PLXNB3: variants seen among roughly 807,000 people sequenced by gnomAD.
PLXNB3 encodes the protein plexin B3, also known as plexin-B3.
A neutral mutation model predicts 125.7 loss-of-function variants in PLXNB3; 80 were observed. That is an observed-to-expected ratio of 0.64 (90% CI 0.53 to 0.77). The LOEUF is 0.77. Ranked by LOEUF, PLXNB3 falls within the 30% of genes least tolerant of loss-of-function variation. The probability of loss-of-function intolerance (pLI) is 0.00; values close to 1 mark genes in which losing one functional copy is unlikely to be tolerated. For missense variants in PLXNB3, 1,836 were observed against 1,729.3 expected, an observed-to-expected ratio of 1.06 and a Z score of -1.09; for synonymous variants, 954 against 783.3, an observed-to-expected ratio of 1.22 and a Z score of -3.64.
rs1299218102 is a variant in PLXNB3 at position 153,770,739 on chromosome X, A to G, written c.2011-19A>G. On this transcript the variant is annotated intron_variant, in intron 10 of 35. Coordinates refer to ENST00000361971, the MANE Select transcript of PLXNB3 (RefSeq NM_005393.3). ...AGGCCCTTTGAGTTCTGAAGGGCTGAGGGCTCTTGTTTTCCCAGGTGGACA... is the reference window on the plus strand; with the variant it reads ...AGGCCCTTTGAGTTCTGAAGGGCTGGGGGCTCTTGTTTTCCCAGGTGGACA... 1.7e-6 allele frequency: 2 copies of G among 1,202,619 alleles called. No homozygotes were observed. The highest frequency in any genetic ancestry group is 6.0e-5 in the East Asian group (2 of 33,611).
Position 153,775,575 on chromosome X carries a change from T to C in PLXNB3, c.4335-19T>C. 8.3e-6 allele frequency: 10 copies of C among 1,206,837 alleles called. No individual in the cohort carries two copies. Among genetic ancestry groups the C allele is most frequent in the Non-Finnish European group, 1.0e-5 (9 of 891,548 alleles). On this transcript the variant is annotated intron_variant, in intron 25 of 35. Coordinates refer to ENST00000361971, the MANE Select transcript of PLXNB3 (RefSeq NM_005393.3). ...GGACACAGGCACAAAGGCCTGACCC[T>C]GTGGCCGGCTCCCCGCAGGACAGAG...
chrX:153,774,434 T>C lies in PLXNB3; in HGVS notation c.3693T>C (p.Asn1231=). Residue 1231 remains asparagine, a synonymous_variant, in exon 22 of 36, where the codon AAT becomes AAC. Transcript: ENST00000361971. ...GLPQFVVQMG[N]VQLALGPVQY... ...CCGCCCCCCAGGTGCAGATGGGCAA[T>C]GTGCAGCTGGCCCTGGGCCCTGTGC... The C allele has an allele frequency of 8.4e-7, 1 of 1,195,150 alleles. No individual in the cohort carries two copies. The highest frequency in any genetic ancestry group is 1.1e-6 in the Non-Finnish European group (1 of 886,839).
chrX:153,773,483 C>G lies in PLXNB3; in HGVS notation c.3084-35C>G, dbSNP rs1408075277. 5 of 1,182,036 alleles carry G rather than the reference C, an allele frequency of 4.2e-6. No homozygotes were observed. In the Admixed American group the frequency reaches 1.1e-4, roughly 27 times the overall value. Reference sequence around the variant, plus strand: ...GATGCGGGCTGGGCTATGTTGCCCACCGCCCGCCCACACCCGACTGCCATC... The same window carrying G: ...GATGCGGGCTGGGCTATGTTGCCCAGCGCCCGCCCACACCCGACTGCCATC... On this transcript the variant is annotated intron_variant, in intron 18 of 35. Transcript: ENST00000361971.
chrX:153,771,516 C>T lies in PLXNB3; in HGVS notation c.2378C>T (p.Pro793Leu), dbSNP rs138935872. ...CTGTACGACTGCGCCATGGGCCACC[C>T]GGACTGCAGCCACTGCCAAGCGGCC... ...VILYDCAMGH[P>L]DCSHCQAANR... Residue 793 changes from proline to leucine, a missense_variant, in exon 14 of 36, where the codon CCG becomes CTG. Physicochemically the swap from Pro to Leu is moderately conservative, Grantham distance 98. Transcript: ENST00000361971. The T allele has an allele frequency of 3.8e-3, 4,525 of 1,204,290 alleles. 32 individuals are homozygous for T. The highest frequency in any genetic ancestry group is 0.031 in the South Asian group (1,712 of 56,044).
rs1557063578 is a variant in PLXNB3, at chrX:153,775,084, G to A, written c.4136G>A (p.Ser1379Asn). The A allele has an allele frequency of 8.3e-7, 1 of 1,204,216 alleles. No individual in the cohort carries two copies. The highest frequency in any genetic ancestry group is 1.8e-5 in the South Asian group (1 of 55,659). ...GLTQLSNLLN[S>N]KLFLLTLIHT... ...ACGCAGCTCTCCAACCTGCTCAACAGCAAGCTCTTCCTCCTCACGGTGAGG... is the reference window on the plus strand; with the variant it reads ...ACGCAGCTCTCCAACCTGCTCAACAACAAGCTCTTCCTCCTCACGGTGAGG... Residue 1379 changes from serine to asparagine, a missense_variant, in exon 24 of 36, where the codon AGC (serine) becomes AAC (asparagine). Physicochemically the swap from Ser to Asn is conservative, Grantham distance 46 (BLOSUM62 1). Coordinates refer to ENST00000361971, the MANE Select transcript of PLXNB3 (RefSeq NM_005393.3).
chrX:153,775,873 T>A lies in PLXNB3; in HGVS notation c.4402-14T>A, dbSNP rs1343194629. The A allele has an allele frequency of 8.3e-7, 1 of 1,198,290 alleles. No individual in the cohort carries two copies. Among genetic ancestry groups the A allele is most frequent in the Non-Finnish European group, 1.1e-6 (1 of 887,156 alleles). ...CCCTCGCTTGGCTGATGCCGGCTCA[T>A]CTTGGCAGTGCAGGAGGTGGCTGGT... On this transcript the variant is annotated splice_polypyrimidine_tract_variant and intron_variant, in intron 26 of 35. Coordinates refer to ENST00000361971, the MANE Select transcript of PLXNB3 (RefSeq NM_005393.3).
rs782441783 is a variant in PLXNB3 at position 153,773,561 on chromosome X, G to A, written c.3127G>A (p.Val1043Met). ...IRVRGTGLDV[V>M]QRPLLSVWLE... ...TGTCAGGGGCACCGGCCTAGACGTGGTGCAGCGGCCCCTACTGTCTGTGTG... is the reference window on the plus strand; with the variant it reads ...TGTCAGGGGCACCGGCCTAGACGTGATGCAGCGGCCCCTACTGTCTGTGTG... Residue 1043 changes from valine to methionine, a missense_variant, in exon 19 of 36, where the codon GTG (valine) becomes ATG (methionine). Transcript: ENST00000361971. The A allele has an allele frequency of 8.3e-7, 1 of 1,205,376 alleles. No individual in the cohort carries two copies. Among genetic ancestry groups the A allele is most frequent in the Non-Finnish European group, 1.1e-6 (1 of 892,439 alleles).
rs2092020797 is a variant in PLXNB3, at chrX:153,778,489, G to A, written c.5550+18G>A. On this transcript the variant is annotated intron_variant, in intron 34 of 35. Transcript: ENST00000361971. ...TCTCCGGGGTGAGGCATGGCCCGGG[G>A]GGTGCGCCTGTCCACACGTGGGTGG... 8.3e-7 allele frequency: 1 copy of A among 1,201,784 alleles called. No individual in the cohort carries two copies. The highest frequency in any genetic ancestry group is 2.2e-5 in the Admixed American group (1 of 45,706).
At position 153,767,881 on chromosome X, in the gene PLXNB3, G is replaced by A. The variant is rs368901623; in HGVS notation, c.1054G>A (p.Gly352Ser). 9.0e-6 allele frequency: 10 copies of A among 1,108,707 alleles called. No individual in the cohort carries two copies. The highest frequency in any genetic ancestry group is 3.2e-5 in the Admixed American group (1 of 31,271). The allele number at this position is 1,108,707 out of a possible 1,213,427, so 91.4% of individuals were successfully genotyped here. A position where few individuals can be genotyped will look rare whatever the true frequency, so the allele number is the denominator to read the frequency against. The change falls in exon 3 of 36, where the codon GGC becomes AGC. Residue 352 changes from glycine to serine, a missense_variant. By Grantham distance (56) the Gly-to-Ser change is moderately conservative. Transcript: ENST00000361971. ...SGAEEATVEY[G>S]VTSRCVTLPL... ...CGCAGAGGAAGCCACCGTGGAGTAC[G>A]GCGTCACGTCGCGCTGCGTCACCCT...
In PLXNB3 at chrX:153,767,572, C is replaced by T. The variant is rs782723671; in HGVS notation, c.745C>T (p.Arg249Cys). ...ADARSAYFVF[R>C]RRGARAQAEY... ...CGCCCGCTCCGCCTACTTCGTGTTC[C>T]GCCGCCGCGGGGCCCGGGCCCAGGC... Residue 249 changes from arginine (R) to cysteine (C), a missense_variant, in exon 3 of 36, where the codon CGC becomes TGC. By Grantham distance (180) the Arg-to-Cys change is radical (BLOSUM62 -3). Transcript: ENST00000361971. The T allele has an allele frequency of 2.8e-5, 33 of 1,171,575 alleles. 1 individual carries two copies. The South Asian group carries it at 5.5e-4, about 19-fold the overall frequency.
rs199536649 is a variant in PLXNB3, at chrX:153,777,318, C to A, written c.5038C>A (p.Arg1680Ser). 8.3e-7 allele frequency: 1 copy of A among 1,206,234 alleles called. No homozygotes were observed. The highest frequency in any genetic ancestry group is 2.2e-5 in the Admixed American group (1 of 45,881). Reference sequence around the variant, plus strand: ...GGTGCGGTGCAGCAGCCTGCGGGAGCGCGAGCCAGCAAGGGCCAAGGCCAT... The same window carrying A: ...GGTGCGGTGCAGCAGCCTGCGGGAGAGCGAGCCAGCAAGGGCCAAGGCCAT... The part of the protein sequence containing the change: ...AKVRCSSLRE[R>S]EPARAKAIPE... Residue 1680 changes from arginine (R) to serine (S), a missense_variant, in exon 30 of 36, where the codon CGC becomes AGC. Physicochemically the swap from Arg to Ser is moderately radical, Grantham distance 110. Coordinates refer to ENST00000361971, the MANE Select transcript of PLXNB3 (RefSeq NM_005393.3).
chrX:153,769,556 C>A (rs782724060), intron 6 of PLXNB3, among the ~76,000 whole-genome samples: 109 of 113,197 alleles, frequency 9.6e-4, no homozygotes, highest in African/African-American at 3.2e-3. Flanking sequence ...CCCCTGGAAT[C>A]CTTTAAGGCA....
rs782160304 is a variant in PLXNB3, at chrX:153,773,242, G to C, written c.2919G>C (p.Val973=). The change falls in exon 18 of 36, where the codon GTG becomes GTC. Residue 973 remains valine, a synonymous_variant. Transcript: ENST00000361971. ...GGQPCPILEP[V]CPEAIVCRTR... Reference sequence around the variant, plus strand: ...ACCCATCCTGCAGCCTGGAGCCAGTGTGTCCGGAGGCCATCGTGTGCCGTA... The same window carrying C: ...ACCCATCCTGCAGCCTGGAGCCAGTCTGTCCGGAGGCCATCGTGTGCCGTA... 7.5e-6 allele frequency: 9 copies of C among 1,205,543 alleles called. No individual in the cohort carries two copies. The South Asian group carries it at 1.2e-4, about 17-fold the overall frequency.
At position 153,767,013 on chromosome X, in the gene PLXNB3, C is replaced by A. The variant is rs2091865979; in HGVS notation, c.186C>A (p.Gly62=). ...TCAACCACTTGGCACTGGCACCTGG[C>A]CGAGGCACACTCTATGTCGGCGCAG... is the stretch of plus-strand genomic sequence containing the variant. ...TTLNHLALAP[G]RGTLYVGAVN... Residue 62 remains glycine, a synonymous_variant, in exon 3 of 36, where the codon GGC becomes GGA. Coordinates refer to ENST00000361971, the MANE Select transcript of PLXNB3 (RefSeq NM_005393.3). 8.3e-7 allele frequency: 1 copy of A among 1,209,594 alleles called. No homozygotes were observed. Among genetic ancestry groups the A allele is most frequent in the African/African-American group, 1.7e-5 (1 of 57,417 alleles).
rs372579744 is a variant in PLXNB3 at position 153,776,095 on chromosome X, G to A, written c.4610G>A (p.Arg1537His). Residue 1537 changes from arginine (R) to histidine (H), a missense_variant, in exon 27 of 36, where the codon CGC (arginine) becomes CAC (histidine). Transcript: ENST00000361971. The part of the protein sequence containing the change: ...GGAAGSSEMQ[R>H]VPARVLDTDT... ...GCCGCAGGCAGCAGCGAGATGCAGC[G>A]CGTGCCAGCCCGGGTGCTCGACACG... 4.6e-5 allele frequency: 55 copies of A among 1,198,397 alleles called. No individual in the cohort carries two copies. Among genetic ancestry groups the A allele is most frequent in the Admixed American group, 3.4e-4 (15 of 44,715 alleles).
At position 153,777,347 on chromosome X, in the gene PLXNB3, G is replaced by A. The variant is rs782791729; in HGVS notation, c.5067G>A (p.Pro1689=). The part of the protein sequence containing the change: ...EREPARAKAI[P]EIYLTRLLSM... Reference sequence around the variant, plus strand: ...AGCCAGCAAGGGCCAAGGCCATTCCGGAAATCTACCTCACCCGTCTGCTGT... The same window carrying A: ...AGCCAGCAAGGGCCAAGGCCATTCCAGAAATCTACCTCACCCGTCTGCTGT... Residue 1689 remains proline, a synonymous_variant, in exon 30 of 36, where the codon CCG becomes CCA. Coordinates refer to ENST00000361971, the MANE Select transcript of PLXNB3 (RefSeq NM_005393.3). 6.7e-6 allele frequency: 8 copies of A among 1,202,826 alleles called. No individual in the cohort carries two copies. The East Asian group carries it at 8.9e-5, about 13-fold the overall frequency.
chrX:153,769,159 C>T lies in PLXNB3; in HGVS notation c.1396-3C>T. 8.4e-7 allele frequency: 1 copy of T among 1,193,248 alleles called. No individual in the cohort carries two copies. The highest frequency in any genetic ancestry group is 1.1e-6 in the Non-Finnish European group (1 of 885,613). Reference sequence around the variant, plus strand: ...TTGCCTCTCTGCTCTGCTGCCCCTCCAGGTGGACCGGATACCTGTGGCAGC... The same window carrying T: ...TTGCCTCTCTGCTCTGCTGCCCCTCTAGGTGGACCGGATACCTGTGGCAGC... On this transcript the variant is annotated splice_region_variant and splice_polypyrimidine_tract_variant and intron_variant, in intron 5 of 35. Transcript: ENST00000361971.
In PLXNB3 at chrX:153,779,339, T is replaced by G. The variant is rs919612741; in HGVS notation, c.*300T>G. 5.2e-6 allele frequency: 1 copy of G among 193,040 alleles called. No homozygotes were observed. Among genetic ancestry groups the G allele is most frequent in the Non-Finnish European group, 9.6e-6 (1 of 103,883 alleles). 15.9% of individuals were successfully genotyped at this position (193,040 alleles called of 1,213,427 possible). Reference sequence around the variant, plus strand: ...TAAAATAGAAATATGTCTTTTTATTTTATTTTGAGACGGAGTCTCGCTCTC... The same window carrying G: ...TAAAATAGAAATATGTCTTTTTATTGTATTTTGAGACGGAGTCTCGCTCTC... On this transcript the variant is annotated 3_prime_UTR_variant, in exon 36 of 36. Coordinates refer to ENST00000361971, the MANE Select transcript of PLXNB3 (RefSeq NM_005393.3).
intron 16 of PLXNB3, 110 bp downstream of exon 16, chrX:153,772,397 C>A: frequency 1.7e-6 from 1 of 585,124 alleles, no homozygotes. Context: ...GCAGGAAGCA[C>A]CGCTGCATGT....
Sources: allele counts gnomAD v4.1 joint callset (sites outside exome capture counted in the v4.1 genomes callset), GRCh38; gene constraint gnomAD v4.1.1; transcripts MANE v1.5; gene names NCBI Gene and HGNC (gene_info 2026-07-23, HGNC 2026-07-21).